Variants in INSC observed in about 807,000 individuals in gnomAD.
INSC encodes INSC spindle orientation adaptor protein.
In INSC, 67 loss-of-function variants were observed where a neutral mutation model predicts 58.6. That is an observed-to-expected ratio of 1.14 (90% CI 0.94 to 1.40). The LOEUF is 1.40. Ranked by LOEUF, INSC falls within the 40% of genes most tolerant of loss-of-function variation. The pLI is 0.00. For missense variants in INSC, 714 were observed against 692.0 expected (o/e 1.03, Z -0.36); for synonymous variants, 262 against 276.1 (o/e 0.95, Z 0.51).
chr11:15,135,866 C>T (rs144302553), intron 1 of INSC, among the ~76,000 whole-genome samples: 151 of 152,288 alleles, frequency 9.9e-4, no homozygotes, highest in African/African-American at 3.5e-3. Context: ...AATATCAAGA[C>T]GTCCATGGGT....
intron 10 of INSC, among the ~76,000 whole-genome samples, chr11:15,236,685 G>A (rs1852144521): frequency 6.6e-6 from 1 of 152,226 alleles, no homozygotes. Context: ...GGCTTCCTGT[G>A]ACTGGGAAAT....
At chr11:15,252,183 T>G (rs10766220), downstream of INSC, among the ~76,000 whole-genome samples, 83,109 of 152,000 alleles carry the variant, frequency 0.55, 23,320 homozygotes, top group East Asian at 0.76. Flanking sequence ...AGCCAAGCCT[T>G]CATGAATAGG....
intron 7 of INSC, among the ~76,000 whole-genome samples, chr11:15,210,420 G>T (rs541877982): frequency 1.3e-5 from 2 of 152,234 alleles, no homozygotes; most frequent in Admixed American, 6.5e-5. Context: ...TTTGGGTTGT[G>T]TTGAGTGGGT....
At chr11:15,226,676 A>G (rs1387535111) in intron 9 of INSC, among the ~76,000 whole-genome samples, 1 of 152,162 alleles carries the variant, frequency 6.6e-6, no homozygotes, top group African/African-American at 2.4e-5. Context: ...TTCCAGGCTT[A>G]TCTCTTAACT....
At chr11:15,119,419 C>A (rs1217935662) in intron 1 of INSC, among the ~76,000 whole-genome samples, 2 of 152,180 alleles carry the variant, frequency 1.3e-5, no homozygotes, top group African/African-American at 4.8e-5. Flanking sequence ...TCTGATCTCC[C>A]CTCCCCCAGC....
chr11:15,242,967 C>A (rs1051002777), intron 12 of INSC, among the ~76,000 whole-genome samples: 1 of 152,208 alleles, frequency 6.6e-6, no homozygotes, highest in East Asian at 1.9e-4. Context: ...CACTCTCTTA[C>A]AGCACTGGTC....
intron 2 of INSC, 146 bp from the exon 3 acceptor site, chr11:15,175,595 A>G (rs969364764): frequency 1.1e-5 from 6 of 531,850 alleles, no homozygotes; most frequent in Admixed American, 3.9e-5. Flanking sequence ...AGAATGAGAA[A>G]TGACTGAGAA....
At chr11:15,240,222 T>G (rs539594818) in intron 11 of INSC, among the ~76,000 whole-genome samples, 69 of 152,308 alleles carry the variant, frequency 4.5e-4, no homozygotes, top group Admixed American at 7.2e-4. Context: ...AAGATTCAAA[T>G]GTTAACCCGC....
chr11:15,111,973 T>C (rs1310962502), upstream of INSC, among the ~76,000 whole-genome samples: 1 of 152,232 alleles, frequency 6.6e-6, no homozygotes, highest in Non-Finnish European at 1.5e-5. Flanking sequence ...GAAGTTCTCG[T>C]ATATGCAATA....
At chr11:15,132,392 C>T (rs1183235124) in intron 1 of INSC, among the ~76,000 whole-genome samples, 1 of 152,054 alleles carries the variant, frequency 6.6e-6, no homozygotes, top group Non-Finnish European at 1.5e-5. Flanking sequence ...CTCAAATGAT[C>T]CTCCCACCTC....
intron 1 of INSC, among the ~76,000 whole-genome samples, chr11:15,117,587 T>C (rs1288717231): frequency 6.6e-6 from 1 of 152,216 alleles, no homozygotes; most frequent in East Asian, 1.9e-4. Context: ...TAATTTCTGC[T>C]TTATCAACTT....
rs545970082 is a variant in INSC at position 15,154,032 on chromosome 11, A to G, written c.56+4802A>G. On this transcript the variant is annotated intron_variant, in intron 2 of 12. Transcript: ENST00000379556. ...AATTTCATTCATTCATTTGAATGAG[A>G]TTTACTTTGGACCAAGAACTTACTT... 2.0e-5 allele frequency among the ~76,000 whole-genome samples: 3 copies of G among 151,658 alleles called. No homozygotes were observed. In the South Asian group the frequency reaches 6.3e-4, roughly 32 times the overall value.
At chr11:15,237,832 C>T (rs1030103018) in intron 10 of INSC, among the ~76,000 whole-genome samples, 2 of 152,018 alleles carry the variant, frequency 1.3e-5, no homozygotes, top group Non-Finnish European at 2.9e-5. Flanking sequence ...AAATGAGGTC[C>T]TAGGGTTAAA....
downstream of INSC, among the ~76,000 whole-genome samples, chr11:15,251,860 G>A (rs1454196191): frequency 6.6e-6 from 1 of 152,090 alleles, no homozygotes; most frequent in Non-Finnish European, 1.5e-5. Flanking sequence ...TTATCATATG[G>A]CCCAGCAATT....
chr11:15,112,618 GTGT>G, upstream of INSC: 1 of 749,616 alleles, frequency 1.3e-6, no homozygotes, highest in Non-Finnish European at 1.8e-6. Flanking sequence ...GTGTGTGTGT[GTGT>G]GTGTGTGTGT....
At chr11:15,180,477 A>G (rs944369768) in intron 5 of INSC, among the ~76,000 whole-genome samples, 5 of 151,866 alleles carry the variant, frequency 3.3e-5, no homozygotes, top group Non-Finnish European at 7.4e-5. Context: ...TTTGGGCTGT[A>G]TAGTTGAATC....
At chr11:15,223,179 T>C (rs1851510087) in intron 8 of INSC, among the ~76,000 whole-genome samples, 1 of 152,194 alleles carries the variant, frequency 6.6e-6, no homozygotes, top group Admixed American at 6.6e-5. Flanking sequence ...CTTTTAAAGA[T>C]AAGACAAAAA....
chr11:15,156,029 G>A (rs1042085263), intron 2 of INSC, among the ~76,000 whole-genome samples: 6 of 152,156 alleles, frequency 3.9e-5, no homozygotes, highest in Non-Finnish European at 8.8e-5. Flanking sequence ...GCAGAGGCAG[G>A]GCAAGGCCAC....
chr11:15,228,451 C>T, intron 9 of INSC, among the ~76,000 whole-genome samples: 1 of 152,154 alleles, frequency 6.6e-6, no homozygotes, highest in Admixed American at 6.5e-5. Flanking sequence ...GGCACGTCAC[C>T]CACTGTCCTC....
Sources: allele counts gnomAD v4.1 joint callset (sites outside exome capture counted in the v4.1 genomes callset), GRCh38; gene constraint gnomAD v4.1.1; transcripts MANE v1.5; gene names NCBI Gene and HGNC (gene_info 2026-07-23, HGNC 2026-07-21).